Variants in ALPL observed in about 807,000 individuals in gnomAD.
ALPL encodes alkaline phosphatase, biomineralization associated, also known as alkaline phosphatase, tissue-nonspecific isozyme.
A neutral mutation model predicts 51.3 loss-of-function variants in ALPL; 42 were observed. The ratio of observed to expected loss-of-function variants is 0.82; its 90% CI spans 0.64 to 1.06. The LOEUF is 1.06. Ranked by LOEUF, ALPL falls within the 50% of genes least tolerant of loss-of-function variation. The pLI is 0.00. For missense variants in ALPL, 589 were observed against 709.4 expected (o/e 0.83, Z 1.93); for synonymous variants, 279 against 296.4 (o/e 0.94, Z 0.60).
Position 21,576,042 on chromosome 1 carries a change from G to C in ALPL, c.1189+118G>C, listed in dbSNP as rs542973657. ...CATGGTGGGGACTCAATGACAACTGGGTGGGGAGGAAGAGTTACTGGGGAT... is the reference window on the plus strand; with the variant it reads ...CATGGTGGGGACTCAATGACAACTGCGTGGGGAGGAAGAGTTACTGGGGAT... On this transcript the variant is annotated intron_variant, in intron 10 of 11. Coordinates refer to ENST00000374840, the MANE Select transcript of ALPL (RefSeq NM_000478.6). 6 of 1,262,760 alleles carry C rather than the reference G, an allele frequency of 4.8e-6. No individual in the cohort carries two copies. In the Admixed American group the frequency reaches 1.0e-4, roughly 22 times the overall value. 78.2% of individuals were successfully genotyped at this position (1,262,760 alleles called of 1,614,324 possible).
In ALPL at chr1:21,554,033, T is replaced by G; in HGVS notation, c.-49T>G. 23 of 933,886 alleles carry G rather than the reference T, an allele frequency of 2.5e-5. No homozygotes were observed. The highest frequency in any genetic ancestry group is 3.6e-5 in the Non-Finnish European group (22 of 609,584). 57.8% of individuals were successfully genotyped at this position (933,886 alleles called of 1,614,324 possible). A position where few individuals can be genotyped will look rare whatever the true frequency, so the allele number is the denominator to read the frequency against. Reference sequence around the variant, plus strand: ...GCCAGCCCACCCCCTCCCACCCACGTCGATTGCATCTCTGGGCTCCAGGGA... The same window carrying G: ...GCCAGCCCACCCCCTCCCACCCACGGCGATTGCATCTCTGGGCTCCAGGGA... On this transcript the variant is annotated 5_prime_UTR_variant, in exon 2 of 12. Coordinates refer to ENST00000374840, the MANE Select transcript of ALPL (RefSeq NM_000478.6).
chr1:21,537,171 A>G (rs922225837), intron 1 of ALPL, among the ~76,000 whole-genome samples: 1 of 152,062 alleles, frequency 6.6e-6, no homozygotes, highest in African/African-American at 2.4e-5. Context: ...GCTGGGATTA[A>G]AGGCGTGAGC....
chr1:21,532,049 C>T (rs1644037641), intron 1 of ALPL, among the ~76,000 whole-genome samples: 1 of 152,162 alleles, frequency 6.6e-6, no homozygotes, highest in South Asian at 2.1e-4. Context: ...TCTTCTCTCT[C>T]TGTTGGGGCA....
At chr1:21,528,273 G>T (rs1319956417) in intron 1 of ALPL, among the ~76,000 whole-genome samples, 1 of 151,358 alleles carries the variant, frequency 6.6e-6, no homozygotes, top group Non-Finnish European at 1.5e-5. Flanking sequence ...TCCTGCCGTG[G>T]CCTCCCAAGG....
At chr1:21,543,622 G>A (rs1644217900) in intron 1 of ALPL, among the ~76,000 whole-genome samples, 1 of 152,144 alleles carries the variant, frequency 6.6e-6, no homozygotes, top group African/African-American at 2.4e-5. Flanking sequence ...CATTGCCCCA[G>A]GAAGTTCCTT....
intron 9 of ALPL, 121 bp from the exon 10 acceptor site, chr1:21,575,612 C>A: frequency 8.2e-7 from 1 of 1,214,496 alleles, no homozygotes; most frequent in South Asian, 1.3e-5. Context: ...GAGTGGTGCC[C>A]GGCGAAGGTT....
intron 1 of ALPL, among the ~76,000 whole-genome samples, chr1:21,545,272 G>GT (rs1644238578): frequency 6.6e-6 from 1 of 150,750 alleles, no homozygotes; most frequent in African/African-American, 2.5e-5. Flanking sequence ...AAGTTTTGGG[G>GT]GTTTTTTTGT....
chr1:21,563,590 A>G (rs1644517843), intron 5 of ALPL, among the ~76,000 whole-genome samples: 1 of 152,152 alleles, frequency 6.6e-6, no homozygotes, highest in Admixed American at 6.5e-5. Flanking sequence ...AAGTCAGCCC[A>G]GGGCTAGCCT....
chr1:21,527,015 GTTCTT>G (rs57296888), intron 1 of ALPL, among the ~76,000 whole-genome samples: 28,418 of 140,544 alleles, frequency 0.2, 3,267 homozygotes, highest in African/African-American at 0.27. Context: ...TGTTATTCTT[GTTCTT>G]TTCTTTTCTT....
intron 1 of ALPL, among the ~76,000 whole-genome samples, chr1:21,543,536 G>A (rs1177722674): frequency 2.6e-5 from 4 of 152,008 alleles, no homozygotes. Context: ...GCCATGAGCC[G>A]AGATCACGCC....
rs80200830 is a variant in ALPL, at chr1:21,568,876, C to T, written c.792+629C>T. On this transcript the variant is annotated intron_variant, in intron 7 of 11. Transcript: ENST00000374840. ...AGGCTGGAGGGACCTCTGGAAGGAC[C>T]CCAAGCTCCAGCTCCTTGGAGTGGC... Among the ~76,000 whole-genome samples, 922 of 152,262 alleles carry T rather than the reference C, an allele frequency of 6.1e-3. 8 individuals carry two copies. The highest frequency in any genetic ancestry group is 9.3e-3 in the Non-Finnish European group (631 of 67,992).
At chr1:21,565,982 G>T (rs1484072476) in intron 6 of ALPL, among the ~76,000 whole-genome samples, 2 of 152,138 alleles carry the variant, frequency 1.3e-5, no homozygotes, top group Non-Finnish European at 2.9e-5. Flanking sequence ...AAGATTGGGG[G>T]CTTCGTTTTC....
chr1:21,517,131 C>T (rs541504089), intron 1 of ALPL, among the ~76,000 whole-genome samples: 2 of 152,196 alleles, frequency 1.3e-5, no homozygotes, highest in South Asian at 2.1e-4. Context: ...GTTGGGTACT[C>T]GAGGTGTGGT....
rs1399926566 is a variant in ALPL, at chr1:21,577,992, G to A, written c.*344G>A. The A allele has an allele frequency of 1.5e-5, 6 of 401,758 alleles. No homozygotes were observed. Among genetic ancestry groups the A allele is most frequent in the African/African-American group, 8.1e-5 (4 of 49,620 alleles). 24.9% of individuals were successfully genotyped at this position (401,758 alleles called of 1,614,324 possible). A position where few individuals can be genotyped will look rare whatever the true frequency, so the allele number is the denominator to read the frequency against. ...CAGACCCAGAGGCCCTGAAGCCTCCGTGGAACATTCTGGATCTGACCCTCC... is the reference window on the plus strand; with the variant it reads ...CAGACCCAGAGGCCCTGAAGCCTCCATGGAACATTCTGGATCTGACCCTCC... On this transcript the variant is annotated 3_prime_UTR_variant, in exon 12 of 12. Transcript: ENST00000374840.
intron 1 of ALPL, among the ~76,000 whole-genome samples, chr1:21,538,413 T>G (rs1644138445): frequency 6.6e-6 from 1 of 152,230 alleles, no homozygotes; most frequent in African/African-American, 2.4e-5. Context: ...CGCTGTTATC[T>G]GGAGCCCAGC....
At chr1:21,571,811 G>A (rs773903054) in intron 8 of ALPL, among the ~76,000 whole-genome samples, 2 of 151,946 alleles carry the variant, frequency 1.3e-5, no homozygotes, top group East Asian at 1.9e-4. Flanking sequence ...GAAACATAGC[G>A]AGACCTCAAT....
intron 8 of ALPL, 64 bp downstream of exon 8, chr1:21,570,438 G>T: frequency 6.5e-7 from 1 of 1,539,846 alleles, no homozygotes; most frequent in Non-Finnish European, 8.9e-7. Context: ...GCTGCGTGTG[G>T]CCAGCACCTG....
At chr1:21,523,455 A>G (rs1293258387) in intron 1 of ALPL, among the ~76,000 whole-genome samples, 1 of 152,142 alleles carries the variant, frequency 6.6e-6, no homozygotes, top group Non-Finnish European at 1.5e-5. Flanking sequence ...CCTGCTGGGT[A>G]GTTCCTGGTA....
chr1:21,557,961 T>C (rs966345088), intron 2 of ALPL, among the ~76,000 whole-genome samples: 1 of 152,248 alleles, frequency 6.6e-6, no homozygotes, highest in Non-Finnish European at 1.5e-5. Context: ...TTTGCCTGTT[T>C]TGAGCCTCAT....
Sources: allele counts gnomAD v4.1 joint callset (sites outside exome capture counted in the v4.1 genomes callset), GRCh38; gene constraint gnomAD v4.1.1; transcripts MANE v1.5; gene names NCBI Gene and HGNC (gene_info 2026-07-23, HGNC 2026-07-21).